The following REV1 variants were observed in gnomAD, a reference collection of about 807,000 sequenced individuals.
REV1 encodes translesion synthesis protein REV1.
Under a neutral mutation model 137.4 loss-of-function variants are expected in REV1, and 42 were observed. The ratio of observed to expected loss-of-function variants is 0.31; its 90% CI spans 0.24 to 0.40. REV1 has a LOEUF of 0.40. Among genes scored for constraint, REV1 ranks in the 10% least tolerant of loss-of-function variants. The pLI, the probability that REV1 is intolerant of heterozygous loss-of-function variation, is 1.00. For missense variants in REV1, 1,282 were observed against 1,490.1 expected, an observed-to-expected ratio of 0.86 and a Z score of 2.30; for synonymous variants, 524 against 519.2, an observed-to-expected ratio of 1.01 and a Z score of -0.12.
At chr2:99,425,032 T>A (rs1046467934) in intron 9 of REV1, 7 of 657,606 alleles carry the variant, frequency 1.1e-5, no homozygotes, top group Non-Finnish European at 1.2e-5. Context: ...TATCACTCTG[T>A]AAAGAATCAA....
chr2:99,489,009 T>TTACGGAGGAGTACATTAA (rs1242399257), intron 1 of REV1, among the ~76,000 whole-genome samples: 1 of 152,208 alleles, frequency 6.6e-6, no homozygotes. Context: ...GCAATTTATC[T>TTACGGAGGAGTACATTAA]TACGGAGGAG....
At chr2:99,458,110 C>T (rs996127871) in intron 3 of REV1, among the ~76,000 whole-genome samples, 6 of 152,052 alleles carry the variant, frequency 3.9e-5, no homozygotes, top group African/African-American at 1.4e-4. Flanking sequence ...CAGATCTCAT[C>T]AAAATTAAAA....
At chr2:99,411,556 G>A (rs926207401) in intron 13 of REV1, among the ~76,000 whole-genome samples, 5 of 151,496 alleles carry the variant, frequency 3.3e-5, no homozygotes, top group Non-Finnish European at 5.9e-5. Context: ...GCAGGCGCCT[G>A]CCACAATGTC....
chr2:99,410,996 A>G, intron 13 of REV1, 129 bp from the exon 14 acceptor site: 1 of 857,600 alleles, frequency 1.2e-6, no homozygotes, highest in Non-Finnish European at 1.7e-6. Context: ...ATCTATTAAA[A>G]AGAAACGTGG....
chr2:99,445,153 T>G (rs1575124581), intron 4 of REV1, among the ~76,000 whole-genome samples: 1 of 150,028 alleles, frequency 6.7e-6, no homozygotes, highest in Non-Finnish European at 1.5e-5. Flanking sequence ...ACACAAGGAA[T>G]GGCAAAAAAA....
At chr2:99,471,906 A>C (rs1275804086) in intron 1 of REV1, among the ~76,000 whole-genome samples, 7 of 151,718 alleles carry the variant, frequency 4.6e-5, no homozygotes, top group East Asian at 1.9e-4. Context: ...AAAAAAAAAA[A>C]AAAAACAAGT....
rs916564980 is a variant in REV1, at chr2:99,403,111, G to A, written c.3167-5C>T. On this transcript the variant is annotated splice_region_variant and splice_polypyrimidine_tract_variant and intron_variant, in intron 19 of 22. Transcript: ENST00000258428. ...GAAGTAAAGGATTCTTTGGCACTAA[G>A]AGCAGATGGATATAAGATCCTCAAC... 1 of 1,583,818 alleles carries A rather than the reference G, an allele frequency of 6.3e-7. No homozygotes were observed.
intron 4 of REV1, among the ~76,000 whole-genome samples, chr2:99,444,276 T>C (rs1681900152): frequency 6.6e-6 from 1 of 152,236 alleles, no homozygotes; most frequent in South Asian, 2.1e-4. Flanking sequence ...TCCTTTATCA[T>C]AGATAGCTAT....
intron 4 of REV1, 38 bp downstream of exon 4, chr2:99,449,298 T>A (rs748742826): frequency 1.6e-6 from 2 of 1,232,774 alleles, no homozygotes; most frequent in Non-Finnish European, 1.1e-6. Context: ...ATTCTAACTT[T>A]AAAAATTTAT....
At chr2:99,447,341 T>C (rs1682354296) in intron 4 of REV1, among the ~76,000 whole-genome samples, 1 of 151,554 alleles carries the variant, frequency 6.6e-6, no homozygotes, top group South Asian at 2.1e-4. Context: ...CCCAGCTAAT[T>C]TTGTATTTTT....
chr2:99,423,848 T>C (rs1182743879), intron 10 of REV1, among the ~76,000 whole-genome samples: 1 of 152,232 alleles, frequency 6.6e-6, no homozygotes, highest in Middle Eastern at 3.2e-3. Flanking sequence ...ATCCTTCATC[T>C]ATCTGGCTCC....
At chr2:99,489,423 C>G (rs1222271117) in intron 1 of REV1, among the ~76,000 whole-genome samples, 1 of 151,874 alleles carries the variant, frequency 6.6e-6, no homozygotes, top group East Asian at 2.0e-4. Flanking sequence ...GCCGAGGCGC[C>G]GGCGCAGGAG....
chr2:99,475,509 GA>G (rs895133760), intron 1 of REV1, among the ~76,000 whole-genome samples: 2 of 152,166 alleles, frequency 1.3e-5, no homozygotes, highest in African/African-American at 4.8e-5. Flanking sequence ...AGATGGGGAG[GA>G]AAGTCTTTGA....
chr2:99,428,546 T>C (rs28382915), intron 9 of REV1, among the ~76,000 whole-genome samples: 2 of 152,284 alleles, frequency 1.3e-5, no homozygotes, highest in African/African-American at 4.8e-5. Flanking sequence ...AATATAAGCA[T>C]GCACGTTTGA....
chr2:99,467,694 T>G (rs567500591), intron 1 of REV1, among the ~76,000 whole-genome samples: 2 of 152,318 alleles, frequency 1.3e-5, no homozygotes, highest in African/African-American at 4.8e-5. Flanking sequence ...AAATTGGAAG[T>G]AGACAGACCA....
chr2:99,449,093 G>GT (rs1345781142), intron 4 of REV1, among the ~76,000 whole-genome samples: 1 of 152,014 alleles, frequency 6.6e-6, no homozygotes, highest in Non-Finnish European at 1.5e-5. Context: ...CGGCAACATG[G>GT]TGAAACCCAT....
At chr2:99,430,668 T>A (rs1679998463) in intron 8 of REV1, among the ~76,000 whole-genome samples, 2 of 152,296 alleles carry the variant, frequency 1.3e-5, no homozygotes, top group South Asian at 4.1e-4. Flanking sequence ...CATCTCTTAA[T>A]ATCCAAACCA....
chr2:99,424,169 C>T lies in REV1; in HGVS notation c.1659G>A (p.Leu553=), dbSNP rs760614282. The T allele has an allele frequency of 1.9e-6, 3 of 1,613,856 alleles. No homozygotes were observed. Among genetic ancestry groups the T allele is most frequent in the South Asian group, 2.2e-5 (2 of 91,046 alleles). ...FHAYKEVAQT[L]YETLASYTHN... is the part of the protein sequence containing the mutation. Reference sequence around the variant, plus strand: ...CACTGTACCTTGCCAATGTTTCATACAATGTTTGTGCGACTTCCTTATATG... The same window carrying T: ...CACTGTACCTTGCCAATGTTTCATATAATGTTTGTGCGACTTCCTTATATG... The change falls in exon 10 of 23, where the codon TTG becomes TTA. Residue 553 remains leucine, a synonymous_variant. Transcript: ENST00000258428.
intron 1 of REV1, among the ~76,000 whole-genome samples, chr2:99,479,025 T>C (rs1357690336): frequency 6.6e-6 from 1 of 151,762 alleles, no homozygotes; most frequent in African/African-American, 2.4e-5. Context: ...CAGGTGAAGG[T>C]TTTAATTAGA....
Sources: allele counts gnomAD v4.1 joint callset (sites outside exome capture counted in the v4.1 genomes callset), GRCh38; gene constraint gnomAD v4.1.1; transcripts MANE v1.5; gene names NCBI Gene and HGNC (gene_info 2026-07-23, HGNC 2026-07-21).